PTPRK: variants seen among roughly 807,000 people sequenced by gnomAD.
The protein encoded by PTPRK is receptor-type tyrosine-protein phosphatase kappa.
A neutral mutation model predicts 178.0 loss-of-function variants in PTPRK; 75 were observed. That is an observed-to-expected ratio of 0.42 (90% CI 0.35 to 0.51). The LOEUF is 0.51. PTPRK is among the 20% of genes least tolerant of loss of function. The pLI is 0.02. For synonymous variants in PTPRK, 637 were observed against 620.6 expected (o/e 1.03, Z -0.39); for missense variants, 1,441 against 1,797.8 (o/e 0.80, Z 3.59).
chr6:128,030,871 A>C (rs764607592), intron 13 of PTPRK, among the ~76,000 whole-genome samples: 4 of 152,228 alleles, frequency 2.6e-5, no homozygotes, highest in Non-Finnish European at 5.9e-5. Context: ...TTCACATGGA[A>C]ATGGTTACGA....
intron 3 of PTPRK, among the ~76,000 whole-genome samples, chr6:128,314,418 A>C (rs1827716155): frequency 6.6e-6 from 1 of 152,238 alleles, no homozygotes; most frequent in African/African-American, 2.4e-5. Flanking sequence ...TAAAATAAAT[A>C]AGTCAGTACA....
intron 2 of PTPRK, among the ~76,000 whole-genome samples, chr6:128,336,726 T>C (rs1830981032): frequency 6.6e-6 from 1 of 152,212 alleles, no homozygotes; most frequent in Non-Finnish European, 1.5e-5. Context: ...AAGAACTGTT[T>C]CTGTAACTAA....
intron 1 of PTPRK, among the ~76,000 whole-genome samples, chr6:128,443,298 G>A (rs932536816): frequency 1.3e-5 from 2 of 152,048 alleles, no homozygotes; most frequent in Non-Finnish European, 2.9e-5. Context: ...GGTACCTGGA[G>A]GAGGGAGACG....
chr6:128,244,897 G>A (rs1815172501), intron 3 of PTPRK, among the ~76,000 whole-genome samples: 1 of 152,152 alleles, frequency 6.6e-6, no homozygotes, highest in South Asian at 2.1e-4. Context: ...ATAAGAAAGA[G>A]GTCAAGAGAA....
chr6:128,298,506 A>C (rs558558310), intron 3 of PTPRK, among the ~76,000 whole-genome samples: 1 of 152,034 alleles, frequency 6.6e-6, no homozygotes, highest in Non-Finnish European at 1.5e-5. Context: ...CAGCACATCA[A>C]AAAGCTTATC....
intron 2 of PTPRK, among the ~76,000 whole-genome samples, chr6:128,329,309 A>T (rs1326261752): frequency 6.6e-6 from 1 of 152,030 alleles, no homozygotes; most frequent in African/African-American, 2.4e-5. Flanking sequence ...AAGATGAAAA[A>T]AGTTGAAATT....
chr6:128,227,436 G>C (rs931641058), intron 5 of PTPRK, among the ~76,000 whole-genome samples: 2 of 152,098 alleles, frequency 1.3e-5, no homozygotes, highest in African/African-American at 4.8e-5. Flanking sequence ...GAAATAGAAG[G>C]ACTAGACAAA....
At chr6:128,018,066 A>G (rs990664810) in intron 13 of PTPRK, among the ~76,000 whole-genome samples, 22 of 151,692 alleles carry the variant, frequency 1.5e-4, no homozygotes, top group African/African-American at 4.8e-4. Flanking sequence ...TCATTTTCCC[A>G]TAACCCAAAT....
At chr6:128,470,382 C>A (rs535659103) in intron 1 of PTPRK, among the ~76,000 whole-genome samples, 1 of 148,932 alleles carries the variant, frequency 6.7e-6, no homozygotes, top group Non-Finnish European at 1.5e-5. Flanking sequence ...TCTATGAAAT[C>A]GTTTTCTTAA....
intron 10 of PTPRK, 21 bp from the exon 11 acceptor site, chr6:128,078,939 TA>T: frequency 6.7e-7 from 1 of 1,483,106 alleles, no homozygotes; most frequent in Non-Finnish European, 9.4e-7. Context: ...ATTAATGAGA[TA>T]AAAAAGGTTC....
At chr6:128,156,584 C>A (rs912896418) in intron 7 of PTPRK, among the ~76,000 whole-genome samples, 4 of 151,872 alleles carry the variant, frequency 2.6e-5, no homozygotes, top group Admixed American at 2.6e-4. Flanking sequence ...GAAGTCCACC[C>A]CCATGATTCA....
intron 13 of PTPRK, among the ~76,000 whole-genome samples, chr6:128,061,638 T>G (rs1780839200): frequency 6.6e-6 from 1 of 152,112 alleles, no homozygotes; most frequent in Admixed American, 6.6e-5. Flanking sequence ...GAAAGGTCCT[T>G]TCTAGACCCT....
Position 128,137,985 on chromosome 6 carries a change from G to A in PTPRK, c.1162+46447C>T, listed in dbSNP as rs953187426. ...TGCCCATTTGAAATGTAAACATCCG[G>A]CACATATTTAGAAAGACACAGATAT... On this transcript the variant is annotated intron_variant, in intron 7 of 29. Coordinates refer to ENST00000368226, the MANE Select transcript of PTPRK (RefSeq NM_002844.4). Among the ~76,000 whole-genome samples the A allele has an allele frequency of 7.9e-5, 12 of 151,862 alleles. 1 individual carries two copies. Among genetic ancestry groups the A allele is most frequent in the Admixed American group, 7.9e-4 (12 of 15,228 alleles).
intron 1 of PTPRK, among the ~76,000 whole-genome samples, chr6:128,503,089 T>C (rs1353523961): frequency 6.6e-6 from 1 of 152,078 alleles, no homozygotes; most frequent in Non-Finnish European, 1.5e-5. Context: ...TAGCCGGGCG[T>C]ATGGCATATG....
intron 7 of PTPRK, among the ~76,000 whole-genome samples, chr6:128,090,302 A>G (rs770331678): frequency 2.9e-4 from 44 of 152,322 alleles, no homozygotes; most frequent in Non-Finnish European, 5.6e-4. Flanking sequence ...TTACTGCCCA[A>G]TTCTCTGCCT....
At chr6:128,362,370 T>G (rs1834893654) in intron 2 of PTPRK, among the ~76,000 whole-genome samples, 1 of 69,848 alleles carries the variant, frequency 1.4e-5, no homozygotes, top group African/African-American at 3.2e-5. Flanking sequence ...CTGGCCCCCA[T>G]CACCAAGACT....
intron 2 of PTPRK, among the ~76,000 whole-genome samples, chr6:128,371,001 T>A (rs1169679724): frequency 6.6e-6 from 1 of 152,140 alleles, no homozygotes; most frequent in East Asian, 1.9e-4. Flanking sequence ...TTCATTTGCC[T>A]CAAAACATTT....
In PTPRK at chr6:128,089,767, A is replaced by C; in HGVS notation, c.1388T>G (p.Val463Gly). The C allele has an allele frequency of 6.2e-7, 1 of 1,613,376 alleles. No homozygotes were observed. The highest frequency in any genetic ancestry group is 8.5e-7 in the Non-Finnish European group (1 of 1,179,364). The stretch of plus-strand genomic sequence containing the variant: ...ATTGGTTAGGATCATCTTGAGGCTG[A>C]CATTTGTATAAGGTGGCAGATGGTT... Reference protein sequence around the residue: ...VVNHLPPYTNVSLKMILTNPE... With the variant: ...VVNHLPPYTNGSLKMILTNPE... Residue 463 changes from valine (V) to glycine (G), a missense_variant, in exon 8 of 30, where the codon GTC (valine) becomes GGC (glycine). Coordinates refer to ENST00000368226, the MANE Select transcript of PTPRK (RefSeq NM_002844.4).
intron 1 of PTPRK, among the ~76,000 whole-genome samples, chr6:128,407,212 G>T (rs576124795): frequency 6.6e-6 from 1 of 152,104 alleles, no homozygotes; most frequent in African/African-American, 2.4e-5. Context: ...CAACCCACAG[G>T]CAATAATTTA....
Sources: allele counts gnomAD v4.1 joint callset (sites outside exome capture counted in the v4.1 genomes callset), GRCh38; gene constraint gnomAD v4.1.1; transcripts MANE v1.5; gene names NCBI Gene and HGNC (gene_info 2026-07-23, HGNC 2026-07-21).